Variants in STK4 observed in about 807,000 individuals in gnomAD.
STK4 encodes serine/threonine-protein kinase 4.
Under a neutral mutation model 64.9 loss-of-function variants are expected in STK4, and 30 were observed. The ratio of observed to expected loss-of-function variants is 0.46; its 90% confidence interval spans 0.35 to 0.63. The LOEUF (loss-of-function observed/expected upper bound fraction) is 0.63. STK4 is among the 20% of genes least tolerant of loss of function. The pLI is 0.01. For missense variants in STK4, 466 were observed against 598.5 expected (o/e 0.78, Z 2.31); for synonymous variants, 177 against 199.0 (o/e 0.89, Z 0.93).
At chr20:45,035,844 T>C (rs765795058) in intron 10 of STK4, among the ~76,000 whole-genome samples, 4 of 152,154 alleles carry the variant, frequency 2.6e-5, no homozygotes, top group Admixed American at 2.0e-4. Context: ...TAGCAGAAAA[T>C]AATCAAATGA....
rs961192026 is a variant in STK4, at chr20:44,987,312, A to C, written c.525+16A>C. On this transcript the variant is annotated intron_variant, in intron 5 of 10. Transcript: ENST00000372806. ...TCAACTTACAGTAAGTAAAAATATT[A>C]CTTGTATTGATAATTTTCATTTCTG... The C allele has an allele frequency of 2.5e-6, 4 of 1,593,668 alleles. No individual in the cohort carries two copies. The Admixed American group carries it at 7.5e-5, about 30-fold the overall frequency.
intron 4 of STK4, among the ~76,000 whole-genome samples, chr20:44,985,211 G>A (rs111785441): frequency 1.1e-3 from 170 of 152,144 alleles, no homozygotes; most frequent in Non-Finnish European, 1.3e-3. Context: ...TAACTTGTCT[G>A]TGCCCTCAGC....
intron 10 of STK4, among the ~76,000 whole-genome samples, chr20:45,059,724 C>T (rs189197245): frequency 6.6e-6 from 1 of 152,272 alleles, no homozygotes; most frequent in East Asian, 1.9e-4. Flanking sequence ...ATAATATACT[C>T]TTAAAATAGA....
intron 10 of STK4, among the ~76,000 whole-genome samples, chr20:45,049,042 A>C (rs2068738600): frequency 6.6e-6 from 1 of 152,086 alleles, no homozygotes; most frequent in African/African-American, 2.4e-5. Context: ...TTGTTAATGT[A>C]AAATAGCTCA....
intron 6 of STK4, among the ~76,000 whole-genome samples, chr20:44,996,694 T>C (rs1398899749): frequency 6.6e-6 from 1 of 152,162 alleles, no homozygotes; most frequent in Non-Finnish European, 1.5e-5. Context: ...TGCGTTGATT[T>C]AGCTTACTTT....
intron 4 of STK4, among the ~76,000 whole-genome samples, chr20:44,984,801 A>G (rs372200506): frequency 1.3e-5 from 2 of 151,110 alleles, no homozygotes; most frequent in African/African-American, 4.9e-5. Context: ...TTTTTTTCAA[A>G]GATAGAGTCT....
chr20:45,049,393 G>A (rs1413816837), intron 10 of STK4, among the ~76,000 whole-genome samples: 3 of 152,166 alleles, frequency 2.0e-5, no homozygotes, highest in Non-Finnish European at 4.4e-5. Flanking sequence ...TCCTAGATAT[G>A]CAGGACCAAG....
chr20:45,041,192 A>G (rs903236308), intron 10 of STK4, among the ~76,000 whole-genome samples: 3 of 152,094 alleles, frequency 2.0e-5, no homozygotes, highest in Non-Finnish European at 4.4e-5. Context: ...TATATAAACT[A>G]TATGGTTCCA....
rs1418009011 is a variant in STK4, at chr20:44,994,988, A to G, written c.526-102A>G. 11 of 1,018,658 alleles carry G rather than the reference A, an allele frequency of 1.1e-5. No individual in the cohort carries two copies. The East Asian group carries it at 3.1e-4, about 29-fold the overall frequency. 63.1% of individuals were successfully genotyped at this position (1,018,658 alleles called of 1,614,324 possible). A position where few individuals can be genotyped will look rare whatever the true frequency, so the allele number is the denominator to read the frequency against. On this transcript the variant is annotated intron_variant, in intron 5 of 10. Coordinates refer to ENST00000372806, the MANE Select transcript of STK4 (RefSeq NM_006282.5). ...ATTGTTGGAAAAGCCTCTTTTTCTCAGTAGTTTTTTTTTTTTTCTTCTTTT... is the reference window on the plus strand; with the variant it reads ...ATTGTTGGAAAAGCCTCTTTTTCTCGGTAGTTTTTTTTTTTTTCTTCTTTT...
chr20:45,032,180 C>A (rs987975616), intron 10 of STK4, among the ~76,000 whole-genome samples: 2 of 152,124 alleles, frequency 1.3e-5, no homozygotes, highest in Non-Finnish European at 2.9e-5. Flanking sequence ...ACGCAATTAA[C>A]AACACTGATA....
chr20:45,072,370 T>C (rs192686317), intron 10 of STK4, among the ~76,000 whole-genome samples: 1 of 152,358 alleles, frequency 6.6e-6, no homozygotes, highest in African/African-American at 2.4e-5. Flanking sequence ...TTATTCTTCA[T>C]CCTAGTGGCT....
At chr20:45,013,880 A>G (rs1197797266) in intron 9 of STK4, among the ~76,000 whole-genome samples, 2 of 152,108 alleles carry the variant, frequency 1.3e-5, no homozygotes, top group African/African-American at 4.8e-5. Flanking sequence ...TAATTTTGGT[A>G]TTACTCACAT....
At chr20:45,055,389 A>G (rs966812648) in intron 10 of STK4, among the ~76,000 whole-genome samples, 1 of 152,122 alleles carries the variant, frequency 6.6e-6, no homozygotes, top group East Asian at 1.9e-4. Flanking sequence ...TCTTAATTTC[A>G]TGCACATTTA....
chr20:44,996,693 T>G (rs993763858), intron 6 of STK4, among the ~76,000 whole-genome samples: 1 of 152,156 alleles, frequency 6.6e-6, no homozygotes, highest in Non-Finnish European at 1.5e-5. Flanking sequence ...ATGCGTTGAT[T>G]TAGCTTACTT....
chr20:45,001,539 G>C (rs1601240564), intron 9 of STK4, among the ~76,000 whole-genome samples, 186 bp downstream of exon 9: 1 of 152,308 alleles, frequency 6.6e-6, no homozygotes, highest in South Asian at 2.1e-4. Flanking sequence ...GGCCTGTGGA[G>C]TCAAAGTCAA....
intron 2 of STK4, chr20:44,975,544 A>G (rs991446166): frequency 8.7e-5 from 18 of 207,924 alleles, no homozygotes; most frequent in African/African-American, 4.2e-4. Flanking sequence ...TAGGAAAGAA[A>G]TCTAAATAAT....
Position 45,000,445 on chromosome 20 carries a change from T to C in STK4, c.885T>C (p.Asn295=), listed in dbSNP as rs2067816148. 1.9e-6 allele frequency: 3 copies of C among 1,614,088 alleles called. No individual in the cohort carries two copies. Among genetic ancestry groups the C allele is most frequent in the South Asian group, 1.1e-5 (1 of 91,086 alleles). Residue 295 remains asparagine, a synonymous_variant, in exon 8 of 11, where the codon AAT becomes AAC. Transcript: ENST00000372806. The stretch of plus-strand genomic sequence containing the variant: ...TGTCAATACTGCGAGACTTAATTAA[T>C]GAAGCCATGGATGTGAAACTGAAAC... The part of the protein sequence containing the change: ...KGVSILRDLI[N]EAMDVKLKRQ...
chr20:45,017,743 C>T (rs976643501), intron 9 of STK4, among the ~76,000 whole-genome samples: 8 of 152,118 alleles, frequency 5.3e-5, no homozygotes, highest in Non-Finnish European at 8.8e-5. Flanking sequence ...CATTTTTTAT[C>T]TTTTTAGATG....
At chr20:45,053,200 G>T (rs1368499953) in intron 10 of STK4, 3 of 1,596,224 alleles carry the variant, frequency 1.9e-6, no homozygotes, top group African/African-American at 2.7e-5. Context: ...TGTCATCTTT[G>T]TCTCAGAACC....
Sources: allele counts gnomAD v4.1 joint callset (sites outside exome capture counted in the v4.1 genomes callset), GRCh38; gene constraint gnomAD v4.1.1; transcripts MANE v1.5; gene names NCBI Gene and HGNC (gene_info 2026-07-23, HGNC 2026-07-21).